The following XIRP2 variants were observed in gnomAD, a reference collection of about 807,000 sequenced individuals.
The protein encoded by XIRP2 is xin actin binding repeat containing 2.
Under a neutral mutation model 277.0 loss-of-function variants are expected in XIRP2, and 236 were observed. The ratio of observed to expected loss-of-function variants is 0.85; its 90% confidence interval spans 0.77 to 0.95. The LOEUF (loss-of-function observed/expected upper bound fraction) is 0.95, where lower values mean the gene tolerates loss of function less well. Among genes scored for constraint, XIRP2 ranks in the 40% least tolerant of loss-of-function variants. XIRP2 has a pLI of 0.00. For missense variants in XIRP2, 4,640 were observed against 4,157.5 expected (o/e 1.12, Z -3.19); for synonymous variants, 1,490 against 1,416.5 (o/e 1.05, Z -1.17).
rs576409295 is a variant in XIRP2 at position 167,098,119 on chromosome 2, C to T, written c.409-37790C>T. Among the ~76,000 whole-genome samples, 7 of 152,264 alleles carry T rather than the reference C, an allele frequency of 4.6e-5. No individual in the cohort carries two copies. In the South Asian group the frequency reaches 8.3e-4, roughly 18 times the overall value. On this transcript the variant is annotated intron_variant, in intron 2 of 10. Transcript: ENST00000409195. The stretch of plus-strand genomic sequence containing the variant: ...TGTCTTGCTAGGTTGGGGAGGTTCT[C>T]GTGGATAATATCCTGAAGTGTGTTT...
chr2:167,093,890 A>G (rs976835037), intron 2 of XIRP2, among the ~76,000 whole-genome samples: 26 of 151,960 alleles, frequency 1.7e-4, no homozygotes, highest in African/African-American at 6.0e-4. Flanking sequence ...AGGAATCACC[A>G]CTCTGTCTTC....
intron 2 of XIRP2, among the ~76,000 whole-genome samples, chr2:167,024,386 A>T (rs561981123): frequency 7.2e-5 from 11 of 152,224 alleles, no homozygotes; most frequent in African/African-American, 2.4e-4. Flanking sequence ...ATATGCAATC[A>T]TGTCATCTGC....
chr2:166,893,283 T>C (rs1684156499), intron 1 of XIRP2, among the ~76,000 whole-genome samples: 1 of 152,102 alleles, frequency 6.6e-6, no homozygotes, highest in Non-Finnish European at 1.5e-5. Flanking sequence ...TTTAAACCAA[T>C]GCTGATAAAG....
At position 167,095,851 on chromosome 2, in the gene XIRP2, C is replaced by CTT. The variant is rs60405920; in HGVS notation, c.409-40019_409-40018dup. 4.0e-3 allele frequency among the ~76,000 whole-genome samples: 191 copies of CTT among 47,302 alleles called. 65 individuals are homozygous for CTT. Among genetic ancestry groups the CTT allele is most frequent in the Non-Finnish European group, 7.1e-3 (147 of 20,632 alleles). 31.0% of individuals were successfully genotyped at this position (47,302 alleles called of 152,430 possible). ...TAAAAATGATTTAGGAGGCGTCACT[C>CTT]TTTTTTTTTTTTTTTTTTTTTTTTT... On this transcript the variant is annotated intron_variant, in intron 2 of 10. Coordinates refer to ENST00000409195, the MANE Select transcript of XIRP2 (RefSeq NM_152381.6).
intron 2 of XIRP2, among the ~76,000 whole-genome samples, chr2:167,009,154 C>T (rs1178749312): frequency 6.6e-6 from 1 of 151,530 alleles, no homozygotes; most frequent in Non-Finnish European, 1.5e-5. Flanking sequence ...TGCTGGTGTG[C>T]TGCATCCATT....
chr2:166,914,209 C>T (rs938197914), intron 2 of XIRP2, among the ~76,000 whole-genome samples: 1 of 152,150 alleles, frequency 6.6e-6, no homozygotes, highest in African/African-American at 2.4e-5. Flanking sequence ...TGATGCAGCC[C>T]TTAGGAACTG....
At chr2:166,996,125 T>C (rs1278506858) in intron 2 of XIRP2, among the ~76,000 whole-genome samples, 1 of 152,206 alleles carries the variant, frequency 6.6e-6, no homozygotes, top group African/African-American at 2.4e-5. Flanking sequence ...GGGTTGAATC[T>C]TTTTCTTTTC....
At chr2:166,976,289 CT>C (rs1686716659) in intron 2 of XIRP2, among the ~76,000 whole-genome samples, 1 of 152,130 alleles carries the variant, frequency 6.6e-6, no homozygotes. Flanking sequence ...CAAGTCTATT[CT>C]TTTATCTAAG....
rs570715438 is a variant in XIRP2, at chr2:166,908,557, C to T, written c.408+4667C>T. ...TAGATTGCAAAAATTTTCTCCCATT[C>T]TGTAGGTTGCCTGTTCACTCTGATG... is the stretch of plus-strand genomic sequence containing the variant. On this transcript the variant is annotated intron_variant, in intron 2 of 10. Transcript: ENST00000409195. 3.4e-3 allele frequency among the ~76,000 whole-genome samples: 522 copies of T among 152,132 alleles called. 7 individuals are homozygous for T. Among genetic ancestry groups the T allele is most frequent in the African/African-American group, 0.012 (493 of 41,528 alleles).
rs117180051 is a variant in XIRP2, at chr2:167,035,982, C to T, written c.409-99927C>T. 6.8e-4 allele frequency among the ~76,000 whole-genome samples: 104 copies of T among 152,336 alleles called. 1 individual carries two copies. The East Asian group carries it at 0.013, about 19-fold the overall frequency. On this transcript the variant is annotated intron_variant, in intron 2 of 10. Coordinates refer to ENST00000409195, the MANE Select transcript of XIRP2 (RefSeq NM_152381.6). ...GAAGCCCCAAGCTTGGCAGCTTCTA[C>T]GTAGTGTTGACCCCTTGGGTACACA...
intron 2 of XIRP2, among the ~76,000 whole-genome samples, chr2:167,012,881 G>C (rs753332798): frequency 1.3e-5 from 2 of 151,352 alleles, no homozygotes; most frequent in Admixed American, 6.6e-5. Context: ...ATAGCTAGCT[G>C]TAATTCTCCA....
At chr2:166,897,425 C>T (rs1453759228) in intron 1 of XIRP2, among the ~76,000 whole-genome samples, 1 of 151,920 alleles carries the variant, frequency 6.6e-6, no homozygotes, top group Non-Finnish European at 1.5e-5. Flanking sequence ...GCGTCACCAT[C>T]GACAATACTG....
intron 2 of XIRP2, among the ~76,000 whole-genome samples, chr2:167,080,796 T>A (rs1689707527): frequency 6.6e-6 from 1 of 152,186 alleles, no homozygotes; most frequent in African/African-American, 2.4e-5. Context: ...GTGAGAAATG[T>A]AGCCATTCCA....
At chr2:167,184,428 A>T in intron 3 of XIRP2, 1 of 626,862 alleles carries the variant, frequency 1.6e-6, no homozygotes, top group East Asian at 2.7e-5. Context: ...AAATTTTGGA[A>T]TTTAGGAAAC....
At chr2:167,153,574 A>G (rs1372900779) in intron 3 of XIRP2, among the ~76,000 whole-genome samples, 4 of 151,440 alleles carry the variant, frequency 2.6e-5, no homozygotes, top group African/African-American at 9.7e-5. Context: ...CCACCCCACA[A>G]CAGTCCCCAG....
rs775583928 is a variant in XIRP2, at chr2:167,244,674, T to C, written c.3282T>C (p.Cys1094=). 4.3e-6 allele frequency: 7 copies of C among 1,613,442 alleles called. No individual in the cohort carries two copies. Among genetic ancestry groups the C allele is most frequent in the Non-Finnish European group, 4.2e-6 (5 of 1,179,718 alleles). The change falls in exon 9 of 11, where the codon TGT becomes TGC. Residue 1094 remains cysteine, a synonymous_variant. Coordinates refer to ENST00000409195, the MANE Select transcript of XIRP2 (RefSeq NM_152381.6). ...RDIVKGDVKT[C]KWLFETQPME... is the part of the protein sequence containing the mutation. ...TTGTTAAAGGGGATGTCAAAACCTG[T>C]AAATGGCTTTTTGAGACCCAGCCAA...
At chr2:166,975,830 G>A (rs1024826944) in intron 2 of XIRP2, among the ~76,000 whole-genome samples, 3 of 148,992 alleles carry the variant, frequency 2.0e-5, no homozygotes, top group African/African-American at 5.0e-5. Flanking sequence ...GGAGGCTGAG[G>A]CAGGAGAAGA....
At chr2:167,054,626 G>A (rs1023561342) in intron 2 of XIRP2, among the ~76,000 whole-genome samples, 5 of 151,368 alleles carry the variant, frequency 3.3e-5, no homozygotes, top group Non-Finnish European at 5.9e-5. Flanking sequence ...TGAGGTTGCA[G>A]TGAGCTGAAA....
chr2:166,911,013 G>A (rs978076184), intron 2 of XIRP2, among the ~76,000 whole-genome samples: 5 of 152,176 alleles, frequency 3.3e-5, no homozygotes, highest in African/African-American at 1.2e-4. Flanking sequence ...TACATTTGCT[G>A]AGGAGTGCTT....
Sources: allele counts gnomAD v4.1 joint callset (sites outside exome capture counted in the v4.1 genomes callset), GRCh38; gene constraint gnomAD v4.1.1; transcripts MANE v1.5; gene names NCBI Gene and HGNC (gene_info 2026-07-23, HGNC 2026-07-21).